The following CYP3A7 variants were observed in gnomAD, a reference collection of about 807,000 sequenced individuals.
The protein encoded by CYP3A7 is cytochrome P450 family 3 subfamily A member 7.
A neutral mutation model predicts 55.2 loss-of-function variants in CYP3A7; 45 were observed. The observed-to-expected ratio is 0.82, with a 90% confidence interval of 0.64 to 1.05. The LOEUF is 1.05. Among genes scored for constraint, CYP3A7 ranks in the 50% least tolerant of loss-of-function variants. The pLI, the probability that CYP3A7 is intolerant of heterozygous loss-of-function variation, is 0.00. For missense variants in CYP3A7, 548 were observed against 605.3 expected (o/e 0.91, Z 0.99); for synonymous variants, 180 against 207.4 (o/e 0.87, Z 1.13).
At position 99,726,103 on chromosome 7, in the gene CYP3A7, C is replaced by T. The variant is rs184241212; in HGVS notation, c.166-3755G>A. Among the ~76,000 whole-genome samples, 398 of 152,282 alleles carry T rather than the reference C, an allele frequency of 2.6e-3. 3 individuals are homozygous for T. Among genetic ancestry groups the T allele is most frequent in the Middle Eastern group, 0.014 (4 of 292 alleles). On this transcript the variant is annotated intron_variant, in intron 2 of 12. Transcript: ENST00000336374. The stretch of plus-strand genomic sequence containing the variant: ...ACAGCTACATCTCATTGCCATCCTT[C>T]TTCCCAACCCAAAGCCTCCTTCGTG...
intron 10 of CYP3A7, 121 bp downstream of exon 10, chr7:99,710,611 C>T: frequency 1.3e-6 from 2 of 1,542,686 alleles, no homozygotes; most frequent in East Asian, 2.3e-5. Flanking sequence ...AGCCTTCCTA[C>T]ATATTGTGAA....
At chr7:99,716,089 C>T (rs192484024) in intron 6 of CYP3A7, among the ~76,000 whole-genome samples, 183 bp from the exon 7 acceptor site, 1 of 152,314 alleles carries the variant, frequency 6.6e-6, no homozygotes, top group African/African-American at 2.4e-5. Flanking sequence ...GTCAGTGACA[C>T]AGCTGGCTCT....
At chr7:99,706,785 G>A (rs1303813912) in intron 12 of CYP3A7, among the ~76,000 whole-genome samples, 1 of 152,214 alleles carries the variant, frequency 6.6e-6, no homozygotes, top group Non-Finnish European at 1.5e-5. Flanking sequence ...ATATTTGTAT[G>A]CAAACCAATC....
At chr7:99,716,466 G>T (rs561679517) in intron 6 of CYP3A7, among the ~76,000 whole-genome samples, 1 of 152,282 alleles carries the variant, frequency 6.6e-6, no homozygotes, top group South Asian at 2.1e-4. Context: ...AGCTGAGGTT[G>T]CCCTGATGGC....
intron 2 of CYP3A7, among the ~76,000 whole-genome samples, chr7:99,725,653 C>T (rs191936299): frequency 2.0e-5 from 3 of 152,306 alleles, no homozygotes; most frequent in African/African-American, 7.2e-5. Flanking sequence ...TGACTCACAT[C>T]GCCACTGCTC....
intron 9 of CYP3A7, 84 bp downstream of exon 9, chr7:99,713,385 C>T (rs192523756): frequency 1.3e-6 from 2 of 1,591,310 alleles, no homozygotes; most frequent in Non-Finnish European, 1.7e-6. Context: ...TCTCATCTAC[C>T]TGGAATACTT....
chr7:99,710,296 A>G (rs1813699875), intron 10 of CYP3A7, among the ~76,000 whole-genome samples: 1 of 152,338 alleles, frequency 6.6e-6, no homozygotes, highest in South Asian at 2.1e-4. Flanking sequence ...ACCAGTGGTT[A>G]CCTGACTGAA....
chr7:99,716,139 A>C (rs538289008), intron 6 of CYP3A7, among the ~76,000 whole-genome samples: 18 of 152,284 alleles, frequency 1.2e-4, no homozygotes, highest in Non-Finnish European at 2.2e-4. Context: ...AGTTAGACTT[A>C]CCTCTGAGGT....
chr7:99,708,153 C>A (rs1420044674), intron 11 of CYP3A7, among the ~76,000 whole-genome samples, 179 bp from the exon 12 acceptor site: 1 of 152,154 alleles, frequency 6.6e-6, no homozygotes, highest in Non-Finnish European at 1.5e-5. Flanking sequence ...GGTACAGATC[C>A]TTTCTACTCT....
At chr7:99,734,463 TC>T (rs1480069385) in intron 1 of CYP3A7, among the ~76,000 whole-genome samples, 1 of 152,132 alleles carries the variant, frequency 6.6e-6, no homozygotes. Flanking sequence ...TTATCCTCAA[TC>T]AATGCTGTCC....
chr7:99,720,561 A>G, intron 3 of CYP3A7, 149 bp from the exon 4 acceptor site: 1 of 833,890 alleles, frequency 1.2e-6, no homozygotes, highest in Admixed American at 2.3e-5. Flanking sequence ...CATTAGGTAT[A>G]ACTCACAGCA....
At chr7:99,731,235 G>T (rs1229321830) in intron 1 of CYP3A7, 83 bp from the exon 2 acceptor site, 3 of 1,493,972 alleles carry the variant, frequency 2.0e-6, no homozygotes, top group Admixed American at 1.7e-5. Flanking sequence ...TGAGGAACTG[G>T]AATGATCAGG....
intron 2 of CYP3A7, among the ~76,000 whole-genome samples, chr7:99,724,613 C>G (rs906773960): frequency 3.9e-5 from 6 of 152,106 alleles, no homozygotes; most frequent in African/African-American, 1.4e-4. Context: ...CTTCCTCATC[C>G]TCTGCTCCCC....
intron 2 of CYP3A7, among the ~76,000 whole-genome samples, chr7:99,727,979 G>A (rs1814476730): frequency 6.6e-6 from 1 of 152,162 alleles, no homozygotes; most frequent in African/African-American, 2.4e-5. Context: ...GGCCATCAAA[G>A]GGCCTCAGAC....
intron 4 of CYP3A7, 111 bp downstream of exon 4, chr7:99,720,202 A>T: frequency 7.2e-7 from 1 of 1,381,026 alleles, no homozygotes. Flanking sequence ...TGAAGTGTAC[A>T]TGGAACCTTC....
rs1429450982 is a variant in CYP3A7 at position 99,717,607 on chromosome 7, G to A, written c.351C>T (p.Ala117=). 1.9e-6 allele frequency: 3 copies of A among 1,613,654 alleles called. No individual in the cohort carries two copies. Among genetic ancestry groups the A allele is most frequent in the African/African-American group, 2.7e-5 (2 of 75,020 alleles). ...ATTCTTCATCCTCAGCTATAGAGAT[G>A]GCATTTTTCATAAATCCCACTGGCC... ...PFGPVGFMKN[A]ISIAEDEEWK... Residue 117 remains alanine (A), a synonymous_variant, in exon 5 of 13, where the codon GCC becomes GCT. Transcript: ENST00000336374.
Position 99,720,216 on chromosome 7 carries a change from C to T in CYP3A7, c.318+97G>A, listed in dbSNP as rs142554757. 934 of 1,482,688 alleles carry T rather than the reference C, an allele frequency of 6.3e-4. 12 individuals carry two copies. The East Asian group carries it at 0.022, about 34-fold the overall frequency. The allele number at this position is 1,482,688 out of a possible 1,614,324, so 91.8% of individuals were successfully genotyped here. ...ATGAAGTGTACATGGAACCTTCCTG[C>T]ACAGTTTTTAGGCAACTGTCTATGA... On this transcript the variant is annotated intron_variant, in intron 4 of 12. Transcript: ENST00000336374.
intron 12 of CYP3A7, 151 bp downstream of exon 12, chr7:99,707,661 C>A: frequency 7.6e-7 from 1 of 1,316,390 alleles, no homozygotes; most frequent in South Asian, 1.4e-5. Flanking sequence ...ACTGAAGCAC[C>A]CTTAAAGATC....
chr7:99,716,052 C>A, intron 6 of CYP3A7, 146 bp from the exon 7 acceptor site: 1 of 1,513,262 alleles, frequency 6.6e-7, no homozygotes, highest in East Asian at 2.4e-5. Flanking sequence ...TCTCCCATCA[C>A]ACTCCCTCAG....
Sources: gnomAD v4.1 joint callset for allele counts (sites outside exome capture counted in the v4.1 genomes callset) on GRCh38, gnomAD v4.1.1 for gene constraint, MANE v1.5 for transcripts, NCBI Gene and HGNC (gene_info 2026-07-23, HGNC 2026-07-21) for gene names.